The following QKI variants were observed in gnomAD, a reference collection of about 807,000 sequenced individuals.
The protein encoded by QKI is QKI, KH domain containing RNA binding.
QKI carries 10 observed loss-of-function variants against 39.0 expected under a neutral mutation model. The observed-to-expected ratio is 0.26, with a 90% CI of 0.16 to 0.43. QKI has a LOEUF of 0.43. QKI is among the 20% of genes least tolerant of loss of function. The probability of loss-of-function intolerance (pLI) is 1.00; values close to 1 mark genes in which losing one functional copy is unlikely to be tolerated. For missense variants in QKI, 218 were observed against 428.0 expected (o/e 0.51, Z 4.33); for synonymous variants, 204 against 155.4 (o/e 1.31, Z -2.33).
At chr6:163,449,905 G>A (rs1037620914) in intron 1 of QKI, among the ~76,000 whole-genome samples, 6 of 151,762 alleles carry the variant, frequency 4.0e-5, no homozygotes, top group African/African-American at 1.5e-4. Context: ...AGTTTTTCCT[G>A]TTCTTAATTC....
At chr6:163,516,187 A>G (rs1779783258) in intron 3 of QKI, among the ~76,000 whole-genome samples, 1 of 152,230 alleles carries the variant, frequency 6.6e-6, no homozygotes. Flanking sequence ...ATATGCACAC[A>G]TGACACTCAA....
At chr6:163,503,849 C>T (rs1778933792) in intron 3 of QKI, among the ~76,000 whole-genome samples, 1 of 152,020 alleles carries the variant, frequency 6.6e-6, no homozygotes, top group African/African-American at 2.4e-5. Flanking sequence ...AAGCAAGTCT[C>T]CTGGCTCAGC....
chr6:163,536,584 G>C (rs57945325), intron 4 of QKI, among the ~76,000 whole-genome samples: 2 of 152,030 alleles, frequency 1.3e-5, no homozygotes, highest in African/African-American at 4.8e-5. Flanking sequence ...TATTGTTAGC[G>C]TCTTTTAAAT....
At chr6:163,503,850 C>T (rs1007649733) in intron 3 of QKI, among the ~76,000 whole-genome samples, 2 of 152,054 alleles carry the variant, frequency 1.3e-5, no homozygotes, top group African/African-American at 4.8e-5. Context: ...AGCAAGTCTC[C>T]TGGCTCAGCC....
chr6:163,567,530 T>C (rs1424279098), intron 7 of QKI: 2 of 984,630 alleles, frequency 2.0e-6, no homozygotes, highest in Non-Finnish European at 1.2e-6. Flanking sequence ...TGAATATAAT[T>C]TTTGACTAAC....
intron 3 of QKI, among the ~76,000 whole-genome samples, chr6:163,525,989 A>G (rs190234741): frequency 6.6e-6 from 1 of 152,330 alleles, no homozygotes; most frequent in Admixed American, 6.5e-5. Context: ...TATTGACCAC[A>G]CTAACTTTAT....
At chr6:163,479,021 C>T in intron 3 of QKI, 125 bp downstream of exon 3, 1 of 742,616 alleles carries the variant, frequency 1.3e-6, no homozygotes, top group Non-Finnish European at 2.1e-6. Flanking sequence ...CGCGGTGGCT[C>T]ACGCCTGTAA....
intron 1 of QKI, among the ~76,000 whole-genome samples, chr6:163,428,406 T>C (rs1260956412): frequency 1.3e-5 from 2 of 152,164 alleles, no homozygotes; most frequent in Non-Finnish European, 2.9e-5. Context: ...AATTATAAAG[T>C]CTTTAGGCAG....
chr6:163,417,898 AT>A (rs1416872152), intron 1 of QKI, among the ~76,000 whole-genome samples: 2 of 152,204 alleles, frequency 1.3e-5, no homozygotes, highest in African/African-American at 4.8e-5. Context: ...TTAGTGTGGA[AT>A]AAGCGGCTTC....
chr6:163,546,853 A>G (rs1307285323), intron 4 of QKI, among the ~76,000 whole-genome samples: 1 of 151,760 alleles, frequency 6.6e-6, no homozygotes, highest in African/African-American at 2.4e-5. Flanking sequence ...CTTTATGGGA[A>G]TTAACTCTGA....
chr6:163,493,768 G>A (rs969431237), intron 3 of QKI, among the ~76,000 whole-genome samples: 1 of 152,174 alleles, frequency 6.6e-6, no homozygotes, highest in Non-Finnish European at 1.5e-5. Context: ...CAACTTCACT[G>A]TTTGAAATTG....
intron 3 of QKI, among the ~76,000 whole-genome samples, chr6:163,484,550 G>A (rs1448948937): frequency 6.6e-6 from 1 of 152,130 alleles, no homozygotes; most frequent in Admixed American, 6.6e-5. Flanking sequence ...TGGTCAATCA[G>A]CATTTGCTTC....
At chr6:163,531,314 C>A (rs1780834761) in intron 3 of QKI, among the ~76,000 whole-genome samples, 1 of 152,170 alleles carries the variant, frequency 6.6e-6, no homozygotes, top group African/African-American at 2.4e-5. Context: ...GGAAGTTACC[C>A]TGTCAACTGT....
chr6:163,439,472 C>T (rs949276854), intron 1 of QKI, among the ~76,000 whole-genome samples: 1 of 150,390 alleles, frequency 6.6e-6, no homozygotes, highest in Non-Finnish European at 1.5e-5. Flanking sequence ...CTCAGTCTCC[C>T]GAGTAGCTGG....
chr6:163,558,410 T>C (rs1011729230), intron 4 of QKI, among the ~76,000 whole-genome samples: 7 of 150,866 alleles, frequency 4.6e-5, no homozygotes, highest in South Asian at 2.1e-4. Flanking sequence ...TTTTCTTTTT[T>C]TTTTTTTTTG....
chr6:163,448,380 A>C (rs1169915605), intron 1 of QKI, among the ~76,000 whole-genome samples: 1 of 151,446 alleles, frequency 6.6e-6, no homozygotes, highest in African/African-American at 2.4e-5. Flanking sequence ...GTTACTTTGA[A>C]ATTAAATCAG....
intron 4 of QKI, among the ~76,000 whole-genome samples, chr6:163,542,669 T>C (rs1781611170): frequency 6.6e-6 from 1 of 152,046 alleles, no homozygotes; most frequent in South Asian, 2.1e-4. Context: ...AGTGTTGAAA[T>C]AACAGGTCTT....
intron 1 of QKI, among the ~76,000 whole-genome samples, chr6:163,449,566 A>G (rs1262674212): frequency 6.6e-6 from 1 of 152,200 alleles, no homozygotes; most frequent in Non-Finnish European, 1.5e-5. Flanking sequence ...CAGTGTTTTA[A>G]AACTGTTTTG....
intron 1 of QKI, among the ~76,000 whole-genome samples, chr6:163,435,352 A>G (rs767982315): frequency 4.5e-4 from 69 of 152,198 alleles, no homozygotes; most frequent in Non-Finnish European, 8.5e-4. Flanking sequence ...AGTAAAGCAC[A>G]TTTTTATAAT....
Sources: gnomAD v4.1 joint callset for allele counts (sites outside exome capture counted in the v4.1 genomes callset) on GRCh38, gnomAD v4.1.1 for gene constraint, MANE v1.5 for transcripts, NCBI Gene and HGNC (gene_info 2026-07-23, HGNC 2026-07-21) for gene names.